The following B3GALT1 variants were observed in gnomAD, a reference collection of about 807,000 sequenced individuals.
B3GALT1 encodes the protein UDP-Gal:betaGlcNAc beta 1,3-galactosyltransferase, polypeptide 1.
A neutral mutation model predicts 23.2 loss-of-function variants in B3GALT1; 10 were observed. That is an observed-to-expected ratio of 0.43 (90% CI 0.27 to 0.73). The LOEUF is 0.73. B3GALT1 is among the 30% of genes least tolerant of loss of function. The probability of loss-of-function intolerance (pLI) is 0.21; values close to 1 mark genes in which losing one functional copy is unlikely to be tolerated. For synonymous variants in B3GALT1, 156 were observed against 141.5 expected, an observed-to-expected ratio of 1.10 and a Z score of -0.73; for missense variants, 299 against 405.4, an observed-to-expected ratio of 0.74 and a Z score of 2.25.
intron 2 of B3GALT1, among the ~76,000 whole-genome samples, chr2:167,527,752 C>T (rs2105365736): frequency 6.6e-6 from 1 of 152,184 alleles, no homozygotes. Context: ...TGTGCTTTTC[C>T]TCTCTAAAAG....
At chr2:167,386,420 T>G (rs746625766) in intron 1 of B3GALT1, among the ~76,000 whole-genome samples, 9 of 152,130 alleles carry the variant, frequency 5.9e-5, no homozygotes, top group Non-Finnish European at 8.8e-5. Context: ...GTAGTATAAA[T>G]AATGGTTCTT....
intron 1 of B3GALT1, among the ~76,000 whole-genome samples, chr2:167,303,767 T>C (rs1348021852): frequency 6.6e-6 from 1 of 151,888 alleles, no homozygotes; most frequent in Admixed American, 6.6e-5. Flanking sequence ...CTCAGGATAT[T>C]GAGCACTATC....
At chr2:167,364,186 A>AG (rs1697548016) in intron 1 of B3GALT1, among the ~76,000 whole-genome samples, 1 of 129,308 alleles carries the variant, frequency 7.7e-6, no homozygotes, top group African/African-American at 2.7e-5. Flanking sequence ...AAAAAAAAAA[A>AG]GGAAGAAAAG....
At chr2:167,450,315 A>G (rs780062092) in intron 1 of B3GALT1, among the ~76,000 whole-genome samples, 2 of 151,604 alleles carry the variant, frequency 1.3e-5, no homozygotes, top group Non-Finnish European at 2.9e-5. Context: ...TCCTGGTTTA[A>G]TCTTGGAGGG....
chr2:167,632,614 A>G (rs1314999914), intron 2 of B3GALT1, among the ~76,000 whole-genome samples: 1 of 151,884 alleles, frequency 6.6e-6, no homozygotes, highest in Non-Finnish European at 1.5e-5. Flanking sequence ...GTGTCTGTTT[A>G]TATCCTTTGC....
intron 1 of B3GALT1, among the ~76,000 whole-genome samples, chr2:167,447,428 A>G (rs1340024032): frequency 6.6e-6 from 1 of 152,128 alleles, no homozygotes; most frequent in Non-Finnish European, 1.5e-5. Context: ...AGTTTCTGCT[A>G]CCTTTTGTTC....
chr2:167,366,574 TC>T (rs1472964001), intron 1 of B3GALT1, among the ~76,000 whole-genome samples: 4 of 152,080 alleles, frequency 2.6e-5, no homozygotes, highest in Non-Finnish European at 1.5e-5. Context: ...TAAAAAAAGA[TC>T]AAATACAATG....
chr2:167,462,700 A>G (rs558067156), intron 1 of B3GALT1, among the ~76,000 whole-genome samples: 1 of 152,324 alleles, frequency 6.6e-6, no homozygotes, highest in South Asian at 2.1e-4. Context: ...GTAATAATTT[A>G]AATGCAGTTA....
intron 1 of B3GALT1, among the ~76,000 whole-genome samples, chr2:167,348,887 A>G (rs750566285): frequency 6.6e-6 from 1 of 151,948 alleles, no homozygotes; most frequent in Non-Finnish European, 1.5e-5. Flanking sequence ...TATCTTTTCT[A>G]TTATATTATA....
intron 4 of B3GALT1, among the ~76,000 whole-genome samples, chr2:167,826,783 T>A (rs1689238645): frequency 1.3e-5 from 2 of 152,122 alleles, no homozygotes; most frequent in Admixed American, 1.3e-4. Flanking sequence ...ATAATATAAG[T>A]AAAAAATACA....
At chr2:167,364,405 TTACA>T (rs1442469108) in intron 1 of B3GALT1, among the ~76,000 whole-genome samples, 1 of 152,014 alleles carries the variant, frequency 6.6e-6, no homozygotes, top group Admixed American at 6.6e-5. Context: ...TGCAGGTTTG[TTACA>T]TATGTATACA....
At chr2:167,337,370 C>G (rs759684461) in intron 1 of B3GALT1, among the ~76,000 whole-genome samples, 3 of 151,900 alleles carry the variant, frequency 2.0e-5, no homozygotes, top group Non-Finnish European at 1.5e-5. Context: ...CACTCTCACA[C>G]CATACACACA....
At chr2:167,797,076 A>G (rs1172835328) in intron 3 of B3GALT1, among the ~76,000 whole-genome samples, 2 of 152,050 alleles carry the variant, frequency 1.3e-5, no homozygotes, top group Non-Finnish European at 2.9e-5. Flanking sequence ...TCAACCCATC[A>G]CCTAGGTATT....
chr2:167,837,056 A>C (rs569987198), intron 4 of B3GALT1, among the ~76,000 whole-genome samples: 14 of 151,864 alleles, frequency 9.2e-5, no homozygotes, highest in South Asian at 6.2e-4. Flanking sequence ...ACAACCGGTA[A>C]CAGCTGCTGC....
At chr2:167,742,599 A>G (rs1687592324) in intron 3 of B3GALT1, among the ~76,000 whole-genome samples, 1 of 152,236 alleles carries the variant, frequency 6.6e-6, no homozygotes, top group African/African-American at 2.4e-5. Flanking sequence ...ACTACGTAGC[A>G]GAAAGAAGTT....
At chr2:167,633,156 G>A (rs905849681) in intron 2 of B3GALT1, among the ~76,000 whole-genome samples, 6 of 151,850 alleles carry the variant, frequency 4.0e-5, no homozygotes, top group Admixed American at 2.0e-4. Context: ...AGCAAGACTG[G>A]CCAACATTCA....
At chr2:167,842,689 C>T (rs1032449512) in intron 4 of B3GALT1, among the ~76,000 whole-genome samples, 1 of 151,966 alleles carries the variant, frequency 6.6e-6, no homozygotes, top group Non-Finnish European at 1.5e-5. Flanking sequence ...GCCTGGGCAA[C>T]ATGACGAAAC....
intron 1 of B3GALT1, among the ~76,000 whole-genome samples, chr2:167,329,923 G>T (rs904805624): frequency 6.6e-6 from 1 of 151,914 alleles, no homozygotes; most frequent in East Asian, 1.9e-4. Flanking sequence ...ATTAATAGAT[G>T]ATACTTTTGT....
chr2:167,398,791 T>C (rs981361271), intron 1 of B3GALT1, among the ~76,000 whole-genome samples: 38 of 152,022 alleles, frequency 2.5e-4, no homozygotes, highest in African/African-American at 8.9e-4. Flanking sequence ...ATATCAGGAG[T>C]TGGACCAATA....
Sources: gnomAD v4.1 joint callset for allele counts (sites outside exome capture counted in the v4.1 genomes callset) on GRCh38, gnomAD v4.1.1 for gene constraint, MANE v1.5 for transcripts, NCBI Gene and HGNC (gene_info 2026-07-23, HGNC 2026-07-21) for gene names.